Variants in FAAH2 observed in about 807,000 individuals in gnomAD.
The protein encoded by FAAH2 is fatty-acid amide hydrolase 2.
Under a neutral mutation model 36.9 loss-of-function variants are expected in FAAH2, and 60 were observed. The observed-to-expected ratio is 1.63, with a 90% confidence interval of 1.32 to 2.02. The LOEUF is 2.02. Ranked by LOEUF, FAAH2 falls within the 30% of genes most tolerant of loss-of-function variation. The pLI is 0.00. For missense variants in FAAH2, 689 were observed against 397.5 expected, an observed-to-expected ratio of 1.73 and a Z score of -6.23; for synonymous variants, 214 against 143.8, an observed-to-expected ratio of 1.49 and a Z score of -3.49.
rs966853661 is a variant in FAAH2, at chrX:57,375,890, T to A, written c.743-2761T>A. ...TTTGACACTTAGGTTTTTAATCCAT[T>A]AGAAACAGGTTTTTGTGTATTGTAT... On this transcript the variant is annotated intron_variant, in intron 5 of 10. Transcript: ENST00000374900. Among the ~76,000 whole-genome samples, 6 of 111,912 alleles carry A rather than the reference T, an allele frequency of 5.4e-5. No homozygotes were observed. The Admixed American group carries it at 5.7e-4, about 11-fold the overall frequency.
intron 5 of FAAH2, among the ~76,000 whole-genome samples, chrX:57,371,323 C>T (rs948550061): frequency 9.0e-6 from 1 of 111,492 alleles, no homozygotes; most frequent in Non-Finnish European, 1.9e-5. Flanking sequence ...TGTTTAGCTC[C>T]CACTTGTAAG....
chrX:57,276,358 A>G, the FAAH2 span, among the ~76,000 whole-genome samples: 1 of 112,025 alleles, frequency 8.9e-6, no homozygotes, highest in African/African-American at 3.2e-5. Context: ...AGAAATAAAG[A>G]TGTTCTCTGA....
intron 5 of FAAH2, among the ~76,000 whole-genome samples, chrX:57,347,060 T>C (rs1024534935): frequency 9.0e-6 from 1 of 111,326 alleles, no homozygotes; most frequent in African/African-American, 3.3e-5. Context: ...TCATCTTGTA[T>C]AGTACCTAGC....
At chrX:57,252,328 G>A in the FAAH2 span, among the ~76,000 whole-genome samples, 8 of 112,581 alleles carry the variant, frequency 7.1e-5, no homozygotes, top group Admixed American at 4.7e-4. Context: ...TGAACAAAAG[G>A]CAGGAGACAG....
intron 7 of FAAH2, among the ~76,000 whole-genome samples, chrX:57,413,356 G>A (rs1386747271): frequency 2.7e-5 from 3 of 112,081 alleles, no homozygotes; most frequent in African/African-American, 9.7e-5. Flanking sequence ...ATGGTTTTAG[G>A]TCTTACATTT....
chrX:57,148,569 A>G, the FAAH2 span, among the ~76,000 whole-genome samples: 10 of 111,208 alleles, frequency 9.0e-5, no homozygotes, highest in African/African-American at 1.6e-4. Flanking sequence ...TTTGTCTGTT[A>G]TTGGTGTATA....
At chrX:57,329,514 A>G (rs1014356027) in intron 3 of FAAH2, among the ~76,000 whole-genome samples, 1 of 109,561 alleles carries the variant, frequency 9.1e-6, no homozygotes, top group African/African-American at 3.3e-5. Context: ...CAATGATCTG[A>G]CAACAATGGT....
At chrX:57,356,074 T>C (rs1189419691) in intron 5 of FAAH2, among the ~76,000 whole-genome samples, 1 of 111,348 alleles carries the variant, frequency 9.0e-6, no homozygotes, top group Non-Finnish European at 1.9e-5. Flanking sequence ...TAATGTGGAT[T>C]AATACATTGA....
chrX:57,351,456 T>C (rs1190877548), intron 5 of FAAH2, among the ~76,000 whole-genome samples: 2 of 110,937 alleles, frequency 1.8e-5, no homozygotes, highest in Non-Finnish European at 3.8e-5. Context: ...TAATCAAGAT[T>C]ACATTTAGCA....
At chrX:57,404,443 G>C (rs990518710) in intron 7 of FAAH2, among the ~76,000 whole-genome samples, 1 of 111,502 alleles carries the variant, frequency 9.0e-6, no homozygotes, top group African/African-American at 3.3e-5. Flanking sequence ...CTTTCATCCT[G>C]ATCTATTATG....
At chrX:57,356,745 A>G (rs1039702424) in intron 5 of FAAH2, among the ~76,000 whole-genome samples, 1 of 109,788 alleles carries the variant, frequency 9.1e-6, no homozygotes, top group Non-Finnish European at 1.9e-5. Flanking sequence ...AACTTACTAA[A>G]TTCTATTTTA....
the FAAH2 span, among the ~76,000 whole-genome samples, chrX:57,167,639 A>G: frequency 9.0e-6 from 1 of 111,714 alleles, no homozygotes; most frequent in Non-Finnish European, 1.9e-5. Flanking sequence ...TATGCATTTA[A>G]ATGATTCCTT....
At chrX:57,412,593 T>A (rs2055728243) in intron 7 of FAAH2, among the ~76,000 whole-genome samples, 1 of 112,329 alleles carries the variant, frequency 8.9e-6, no homozygotes, top group African/African-American at 3.2e-5. Flanking sequence ...ATGGTGTATA[T>A]GTGCCACATT....
chrX:57,389,199 G>A (rs1602500674), intron 7 of FAAH2, among the ~76,000 whole-genome samples: 1 of 101,170 alleles, frequency 9.9e-6, no homozygotes, highest in Non-Finnish European at 2.0e-5. Flanking sequence ...AGAAGCAGAA[G>A]AAATTCCTTC....
chrX:57,432,055 TTTAC>T lies in FAAH2; in HGVS notation c.1116+25_1116+28del. 8.5e-7 allele frequency: 1 copy of T among 1,173,634 alleles called. No homozygotes were observed. The highest frequency in any genetic ancestry group is 1.1e-6 in the Non-Finnish European group (1 of 870,343). Reference sequence around the variant, plus strand: ...ATGGGAAGGTATTTTTACCTCTTTCTTTACTTACTTTTTTCTTTGTGTAAACATT... The same window carrying T: ...ATGGGAAGGTATTTTTACCTCTTTCTTTACTTTTTTCTTTGTGTAAACATT... On this transcript the variant is annotated intron_variant, in intron 8 of 10. Coordinates refer to ENST00000374900, the MANE Select transcript of FAAH2 (RefSeq NM_174912.4).
intron 5 of FAAH2, among the ~76,000 whole-genome samples, chrX:57,357,948 A>T (rs928234434): frequency 9.0e-6 from 1 of 111,569 alleles, no homozygotes; most frequent in African/African-American, 3.3e-5. Context: ...ATGCCCATCA[A>T]TGATAGACTG....
At chrX:57,229,058 A>G in the FAAH2 span, 1 of 109,890 alleles carries the variant, frequency 9.1e-6, no homozygotes. Context: ...ATCTAAGATG[A>G]CGGAAATTAT....
chrX:57,334,268 T>TCA (rs60873866), intron 4 of FAAH2, among the ~76,000 whole-genome samples: 96 of 85,719 alleles, frequency 1.1e-3, no homozygotes, highest in South Asian at 8.6e-3. Context: ...AGATTCCGTC[T>TCA]CACACACACA....
At chrX:57,400,590 C>T (rs1264149302) in intron 7 of FAAH2, among the ~76,000 whole-genome samples, 1 of 112,105 alleles carries the variant, frequency 8.9e-6, no homozygotes, top group Admixed American at 9.4e-5. Flanking sequence ...TGTATAATGG[C>T]CTGGCTATTT....
Sources: allele counts gnomAD v4.1 joint callset (sites outside exome capture counted in the v4.1 genomes callset), GRCh38; gene constraint gnomAD v4.1.1; transcripts MANE v1.5; gene names NCBI Gene and HGNC (gene_info 2026-07-23, HGNC 2026-07-21).